Variants in GARNL3 observed in about 807,000 individuals in gnomAD.
The protein encoded by GARNL3 is GTPase-activating Rap/Ran-GAP domain-like protein 3.
A neutral mutation model predicts 125.0 loss-of-function variants in GARNL3; 63 were observed. That is an observed-to-expected ratio of 0.50 (90% CI 0.41 to 0.62). The LOEUF (loss-of-function observed/expected upper bound fraction) is 0.62, where lower values mean the gene tolerates loss of function less well. GARNL3 is among the 20% of genes least tolerant of loss of function. GARNL3 has a pLI of 0.00. For synonymous variants in GARNL3, 439 were observed against 457.5 expected (o/e 0.96, Z 0.52); for missense variants, 994 against 1,244.0 (o/e 0.80, Z 3.02).
Position 127,357,299 on chromosome 9 carries a change from G to A in GARNL3, c.2016G>A (p.Val672=). The change falls in exon 21 of 28, where the codon GTG becomes GTA. Residue 672 remains valine (V), a synonymous_variant. Transcript: ENST00000373387. ...AAGAGAGTGACAATCTCATCTGTGT[G>A]GCTTATCGACACCAATTTGATGTGG... The part of the protein sequence containing the change: ...PAEESDNLIC[V]AYRHQFDVVN... 4 of 1,614,202 alleles carry A rather than the reference G, an allele frequency of 2.5e-6. No homozygotes were observed. Among genetic ancestry groups the A allele is most frequent in the Non-Finnish European group, 3.4e-6 (4 of 1,180,028 alleles).
chr9:127,284,536 T>C (rs981816361), intron 1 of GARNL3, among the ~76,000 whole-genome samples: 20 of 152,044 alleles, frequency 1.3e-4, no homozygotes, highest in African/African-American at 4.8e-4. Context: ...TTTCCTTGGG[T>C]TTATTTCATT....
At chr9:127,273,059 T>C (rs773889130) in intron 1 of GARNL3, among the ~76,000 whole-genome samples, 3 of 152,228 alleles carry the variant, frequency 2.0e-5, no homozygotes, top group Non-Finnish European at 4.4e-5. Context: ...TGTTGAATAC[T>C]GTAGATGTAT....
chr9:127,295,393 C>T (rs1168299061), intron 2 of GARNL3, among the ~76,000 whole-genome samples: 1 of 152,170 alleles, frequency 6.6e-6, no homozygotes, highest in Non-Finnish European at 1.5e-5. Flanking sequence ...CTGATCTGTT[C>T]CTGCTTGAGT....
At chr9:127,275,686 G>A (rs1351912651) in intron 1 of GARNL3, among the ~76,000 whole-genome samples, 3 of 152,186 alleles carry the variant, frequency 2.0e-5, no homozygotes, top group Admixed American at 6.5e-5. Context: ...GTAGCTTGCC[G>A]TGATTGGCTT....
At chr9:127,240,097 A>G (rs2063177963) in intron 1 of GARNL3, among the ~76,000 whole-genome samples, 1 of 152,262 alleles carries the variant, frequency 6.6e-6, no homozygotes, top group Non-Finnish European at 1.5e-5. Context: ...TAGTTTAGAA[A>G]GAAAAGCAAG....
At chr9:127,323,100 A>G (rs2065453057) in intron 6 of GARNL3, among the ~76,000 whole-genome samples, 1 of 152,240 alleles carries the variant, frequency 6.6e-6, no homozygotes, top group Admixed American at 6.5e-5. Flanking sequence ...GAAAAAAATC[A>G]GTGTCAGCCT....
At chr9:127,270,442 C>G (rs916661537) in intron 1 of GARNL3, among the ~76,000 whole-genome samples, 7 of 152,208 alleles carry the variant, frequency 4.6e-5, no homozygotes, top group Admixed American at 2.6e-4. Context: ...TCTCTTTCAC[C>G]TTCTTTCATG....
chr9:127,283,586 C>T (rs1477791607), intron 1 of GARNL3, among the ~76,000 whole-genome samples: 1 of 152,200 alleles, frequency 6.6e-6, no homozygotes, highest in Non-Finnish European at 1.5e-5. Context: ...AGGAAGATTG[C>T]TTGAGCCCAG....
At chr9:127,304,530 C>CTTTTTTTTTTTTTTT (rs61493807) in intron 2 of GARNL3, among the ~76,000 whole-genome samples, 2 of 99,220 alleles carry the variant, frequency 2.0e-5, no homozygotes, top group African/African-American at 3.4e-5. Context: ...TGGCTTTATT[C>CTTTTTTTTTTTTTTT]TTTTTTTTTT....
At chr9:127,352,169 G>A (rs1434486556) in intron 17 of GARNL3, among the ~76,000 whole-genome samples, 1 of 152,202 alleles carries the variant, frequency 6.6e-6, no homozygotes, top group Non-Finnish European at 1.5e-5. Context: ...TTCCAACACT[G>A]GTGAAGAGAG....
chr9:127,381,706 C>T (rs1446344975), intron 22 of GARNL3, among the ~76,000 whole-genome samples: 2 of 152,018 alleles, frequency 1.3e-5, no homozygotes, highest in African/African-American at 4.8e-5. Context: ...ACACCATTCT[C>T]CTGCCTCAGC....
chr9:127,311,488 G>A (rs1269199038), intron 2 of GARNL3, 148 bp from the exon 3 acceptor site: 17 of 594,652 alleles, frequency 2.9e-5, no homozygotes, highest in Non-Finnish European at 4.5e-5. Context: ...TAGACTGGGT[G>A]TCTTTTCTAA....
chr9:127,375,017 G>A (rs1025241769), intron 22 of GARNL3, among the ~76,000 whole-genome samples: 5 of 152,210 alleles, frequency 3.3e-5, no homozygotes, highest in African/African-American at 1.2e-4. Context: ...CGTAATCAGT[G>A]TTGGTAAGGA....
At chr9:127,326,013 C>T (rs1291576131) in intron 7 of GARNL3, among the ~76,000 whole-genome samples, 1 of 152,166 alleles carries the variant, frequency 6.6e-6, no homozygotes, top group African/African-American at 2.4e-5. Context: ...CCTCTCCAAT[C>T]GTCAGCTCCA....
chr9:127,280,300 C>A lies in GARNL3; in HGVS notation c.145-10868C>A, dbSNP rs1377887323. Among the ~76,000 whole-genome samples the A allele has an allele frequency of 6.6e-6, 1 of 152,172 alleles. No individual in the cohort carries two copies. The highest frequency in any genetic ancestry group is 1.5e-5 in the Non-Finnish European group (1 of 68,042). The stretch of plus-strand genomic sequence containing the variant: ...GCACTTGGTTTATGAGGACCACATT[C>A]TCTAAGATGGACTCACTCTCCCTCC... On this transcript the variant is annotated intron_variant, in intron 1 of 27. Transcript: ENST00000373387. This position sits in a 1 kb window ranked among gnomAD's most constrained non-coding sequence, Gnocchi z 4.5.
intron 22 of GARNL3, among the ~76,000 whole-genome samples, chr9:127,381,054 T>G (rs1832226671): frequency 6.6e-6 from 1 of 152,170 alleles, no homozygotes. Flanking sequence ...GATTTTTGTA[T>G]TTTTGGTAGA....
chr9:127,385,173 AG>A lies in GARNL3; in HGVS notation c.2388+29del, dbSNP rs1832478173. On this transcript the variant is annotated intron_variant, in intron 24 of 27. Coordinates refer to ENST00000373387, the MANE Select transcript of GARNL3 (RefSeq NM_032293.5). This position sits in a 1 kb window ranked among gnomAD's most constrained non-coding sequence, Gnocchi z 4.1. ...GAGTAGGACTGGGATTTTATCTCTGAGTGGTTTGGGGGACCCCGGCACTGTG... is the reference window on the plus strand; with the variant it reads ...GAGTAGGACTGGGATTTTATCTCTGATGGTTTGGGGGACCCCGGCACTGTG... The A allele has an allele frequency of 3.4e-6, 5 of 1,471,148 alleles. No individual in the cohort carries two copies. The East Asian group carries it at 1.2e-4, about 36-fold the overall frequency. The allele number at this position is 1,471,148 out of a possible 1,614,324, so 91.1% of individuals were successfully genotyped here.
intron 1 of GARNL3, chr9:127,225,419 AGGGGTGCGGCCGGGC>A: frequency 1.0e-6 from 1 of 954,624 alleles, no homozygotes; most frequent in Non-Finnish European, 1.2e-6. Context: ...GCGGACGGGG[AGGGGTGCGGCCGGGC>A]GGGGTGCCGG....
At chr9:127,276,793 T>C (rs1396210106) in intron 1 of GARNL3, among the ~76,000 whole-genome samples, 23 of 152,232 alleles carry the variant, frequency 1.5e-4, no homozygotes, top group Non-Finnish European at 1.5e-5. Context: ...TCTCAATGGA[T>C]TTCATGGCCA....
Sources: gnomAD v4.1 joint callset for allele counts (sites outside exome capture counted in the v4.1 genomes callset) on GRCh38, gnomAD v4.1.1 for gene constraint, Gnocchi (gnomAD v3.1) non-coding constraint, MANE v1.5 for transcripts, NCBI Gene and HGNC (gene_info 2026-07-23, HGNC 2026-07-21) for gene names.